The following SEPTIN12 variants were observed in gnomAD, a reference collection of about 807,000 sequenced individuals.
The protein encoded by SEPTIN12 is septin 12, also known as septin-12.
Under a neutral mutation model 37.7 loss-of-function variants are expected in SEPTIN12, and 42 were observed. The observed-to-expected ratio is 1.11, with a 90% CI of 0.87 to 1.44. The LOEUF is 1.44. SEPTIN12 is among the 40% of genes most tolerant of loss of function. The pLI is 0.00. For missense variants in SEPTIN12, 613 were observed against 479.2 expected (o/e 1.28, Z -2.61); for synonymous variants, 254 against 196.7 (o/e 1.29, Z -2.44).
chr16:4,783,111 G>C (rs1191537685), intron 7 of SEPTIN12, among the ~76,000 whole-genome samples: 1 of 151,882 alleles, frequency 6.6e-6, no homozygotes, highest in Non-Finnish European at 1.5e-5. Context: ...GTTTCACCAT[G>C]TTGGCCAGGC....
intron 7 of SEPTIN12, among the ~76,000 whole-genome samples, chr16:4,782,711 C>T (rs994763640): frequency 6.6e-6 from 1 of 151,432 alleles, no homozygotes; most frequent in South Asian, 2.1e-4. Context: ...TCAACCGATT[C>T]TCCTGCCTCA....
At position 4,777,944 on chromosome 16, in the gene SEPTIN12, G is replaced by A. The variant is rs1186170781; in HGVS notation, c.930C>T (p.Tyr310=). The change falls in exon 10 of 10, where the codon TAC becomes TAT. Residue 310 remains tyrosine (Y), a synonymous_variant. Transcript: ENST00000268231. Reference sequence around the variant, plus strand: ...GGCTTTCATTGAGTCTGATGACGCGGTAGTTCTCATAGTGGATGTTGTGGG... The same window carrying A: ...GGCTTTCATTGAGTCTGATGACGCGATAGTTCTCATAGTGGATGTTGTGGG... The part of the protein sequence containing the change: ...DITHNIHYEN[Y]RVIRLNESHL... 3.7e-6 allele frequency: 6 copies of A among 1,609,902 alleles called. No homozygotes were observed. The highest frequency in any genetic ancestry group is 4.2e-6 in the Non-Finnish European group (5 of 1,178,274).
intron 7 of SEPTIN12, among the ~76,000 whole-genome samples, chr16:4,781,661 T>C (rs2141868971): frequency 1.3e-5 from 2 of 151,746 alleles, no homozygotes; most frequent in East Asian, 3.9e-4. Context: ...TTTTTTTTTT[T>C]TGAGACAGGG....
chr16:4,778,230 T>C, intron 8 of SEPTIN12, 93 bp from the exon 9 acceptor site: 8 of 1,268,726 alleles, frequency 6.3e-6, no homozygotes, highest in Non-Finnish European at 9.1e-6. Flanking sequence ...CCCTTAGCCC[T>C]TTTCCCACAT....
Position 4,777,984 on chromosome 16 carries a change from T to C in SEPTIN12, c.890A>G (p.Asp297Gly). 1 of 1,611,922 alleles carries C rather than the reference T, an allele frequency of 6.2e-7. No homozygotes were observed. Among genetic ancestry groups the C allele is most frequent in the Non-Finnish European group, 8.5e-7 (1 of 1,179,106 alleles). The change falls in exon 10 of 10, where the codon GAC (aspartate) becomes GGC (glycine). Residue 297 changes from aspartate to glycine, a missense_variant. Physicochemically the swap from Asp to Gly is moderately conservative, Grantham distance 94. Transcript: ENST00000268231. ...GATGTTGTGGGTTATGTCCTTCAGG[T>C]CTTGGAGGTGGGAGCTGGGGGACCG... ...RDLLIRSHLQDLKDITHNIHY... is the reference protein window; with the variant it reads ...RDLLIRSHLQGLKDITHNIHY...
chr16:4,784,979 G>C (rs1426117286), intron 4 of SEPTIN12, among the ~76,000 whole-genome samples: 1 of 151,960 alleles, frequency 6.6e-6, no homozygotes, highest in African/African-American at 2.4e-5. Context: ...GGGTGCAGTG[G>C]CTCACACCTG....
chr16:4,785,981 A>G lies in SEPTIN12; in HGVS notation c.291T>C (p.His97=), dbSNP rs1290083057. Residue 97 remains histidine (H), a splice_region_variant and synonymous_variant, in exon 3 of 10, where the codon CAT becomes CAC. Transcript: ENST00000268231. ...AGGTGTGGGCAGGGGCTCACTCACCATGGGTCAGTGAATGCAGCTGCAGCG... is the reference window on the plus strand; with the variant it reads ...AGGTGTGGGCAGGGGCTCACTCACCGTGGGTCAGTGAATGCAGCTGCAGCG... ...PQTLQLHSLT[H]VIEEKGVKLK... is the part of the protein sequence containing the mutation. 11 of 1,612,920 alleles carry G rather than the reference A, an allele frequency of 6.8e-6. No individual in the cohort carries two copies. The highest frequency in any genetic ancestry group is 2.2e-5 in the East Asian group (1 of 44,816).
rs1316946983 is a variant in SEPTIN12 at position 4,783,462 on chromosome 16, C to T, written c.726G>A (p.Arg242=). The T allele has an allele frequency of 6.2e-7, 1 of 1,613,272 alleles. No homozygotes were observed. The highest frequency in any genetic ancestry group is 8.5e-7 in the Non-Finnish European group (1 of 1,179,500). The change falls in exon 7 of 10, where the codon CGG becomes CGA. Residue 242 remains arginine (R), a splice_region_variant and synonymous_variant. Transcript: ENST00000268231. The part of the protein sequence containing the change: ...INDKILNSKL[R]DRIPFAVVGA... Reference sequence around the variant, plus strand: ...CGCCTCCCGCCCCACAGCCTCTCACCCGTAACTTGCTGTTGAGGATTTTGT... The same window carrying T: ...CGCCTCCCGCCCCACAGCCTCTCACTCGTAACTTGCTGTTGAGGATTTTGT...
intron 4 of SEPTIN12, chr16:4,784,381 C>T (rs1000694825): frequency 7.0e-5 from 24 of 345,060 alleles, no homozygotes; most frequent in Admixed American, 1.5e-4. Context: ...CAAGGAATCG[C>T]GCCTGATGGT....
At chr16:4,780,721 G>T (rs972665997) in intron 7 of SEPTIN12, among the ~76,000 whole-genome samples, 1 of 152,152 alleles carries the variant, frequency 6.6e-6, no homozygotes, top group African/African-American at 2.4e-5. Flanking sequence ...GCTCACACCT[G>T]TAATCCTAGC....
At chr16:4,789,712 G>T (rs2082520928), upstream of SEPTIN12, among the ~76,000 whole-genome samples, 3 of 152,096 alleles carry the variant, frequency 2.0e-5, no homozygotes, top group South Asian at 6.2e-4. Flanking sequence ...TCTCACCTCA[G>T]CCTCCCTAAA....
intron 4 of SEPTIN12, among the ~76,000 whole-genome samples, chr16:4,784,479 C>T (rs909655519): frequency 2.7e-5 from 4 of 148,848 alleles, no homozygotes; most frequent in South Asian, 4.4e-4. Flanking sequence ...CTTTTAAAAA[C>T]AGGTGTCAGG....
rs367627115 is a variant in SEPTIN12 at position 4,787,661 on chromosome 16, G to C, written c.-16C>G. Reference sequence around the variant, plus strand: ...GGGGGTCCATGGGGGCCAAGGGTTCGAGATGCCTGTCACCAGGTGGGTGGG... The same window carrying C: ...GGGGGTCCATGGGGGCCAAGGGTTCCAGATGCCTGTCACCAGGTGGGTGGG... On this transcript the variant is annotated 5_prime_UTR_variant, in exon 2 of 10. Coordinates refer to ENST00000268231, the MANE Select transcript of SEPTIN12 (RefSeq NM_144605.5). 3 of 1,494,116 alleles carry C rather than the reference G, an allele frequency of 2.0e-6. No individual in the cohort carries two copies. Among genetic ancestry groups the C allele is most frequent in the Non-Finnish European group, 2.7e-6 (3 of 1,098,050 alleles). The allele number at this position is 1,494,116 out of a possible 1,614,324, so 92.6% of individuals were successfully genotyped here. A position where few individuals can be genotyped will look rare whatever the true frequency, so the allele number is the denominator to read the frequency against.
At chr16:4,786,440 C>T (rs1244736548) in intron 2 of SEPTIN12, among the ~76,000 whole-genome samples, 5 of 151,494 alleles carry the variant, frequency 3.3e-5, no homozygotes, top group South Asian at 4.2e-4. Flanking sequence ...CTGCAAGCTC[C>T]GCCTCCCAGA....
At position 4,783,522 on chromosome 16, in the gene SEPTIN12, G is replaced by C. The variant is rs574562030; in HGVS notation, c.666C>G (p.Val222=). 2.7e-5 allele frequency: 43 copies of C among 1,614,212 alleles called. No individual in the cohort carries two copies. In the East Asian group the frequency reaches 8.0e-4, roughly 30 times the overall value. ...QQNLRTHCID[V]YPQMCFDEDI... ...CCTCGTCAAAGCACATCTGGGGGTA[G>C]ACGTCGATGCAGTGGGTCCTCAGGT... The change falls in exon 7 of 10, where the codon GTC becomes GTG. Residue 222 remains valine, a synonymous_variant. Transcript: ENST00000268231.
upstream of SEPTIN12, among the ~76,000 whole-genome samples, chr16:4,790,974 C>T (rs1005106717): frequency 3.3e-5 from 5 of 152,156 alleles, no homozygotes; most frequent in African/African-American, 1.2e-4. Flanking sequence ...AGCACGGGGG[C>T]CTCTCCCATA....
intron 7 of SEPTIN12, among the ~76,000 whole-genome samples, chr16:4,780,678 G>A (rs1204875220): frequency 6.6e-6 from 1 of 152,144 alleles, no homozygotes; most frequent in African/African-American, 2.4e-5. Context: ...GTGATGGGGA[G>A]TAATGTGGAT....
chr16:4,778,185 T>G, intron 8 of SEPTIN12, 48 bp from the exon 9 acceptor site: 1 of 1,594,040 alleles, frequency 6.3e-7, no homozygotes, highest in Non-Finnish European at 8.6e-7. Flanking sequence ...GAGCACTGAG[T>G]AAGTGCCTAC....
intron 2 of SEPTIN12, among the ~76,000 whole-genome samples, chr16:4,786,830 T>C (rs1260825924): frequency 2.0e-5 from 3 of 151,910 alleles, no homozygotes; most frequent in Non-Finnish European, 4.4e-5. Context: ...ATTTTTTTTG[T>C]AGAGATGGGG....
Sources: allele counts gnomAD v4.1 joint callset (sites outside exome capture counted in the v4.1 genomes callset), GRCh38; gene constraint gnomAD v4.1.1; transcripts MANE v1.5; gene names NCBI Gene and HGNC (gene_info 2026-07-23, HGNC 2026-07-21).